NRXN1: variants seen among roughly 807,000 people sequenced by gnomAD.
NRXN1 encodes the protein neurexin-1.
NRXN1 carries 39 observed loss-of-function variants against 150.9 expected under a neutral mutation model. The observed-to-expected ratio is 0.26, with a 90% CI of 0.20 to 0.34. NRXN1 has a LOEUF of 0.34. Ranked by LOEUF, NRXN1 falls within the 10% of genes least tolerant of loss-of-function variation. The probability of loss-of-function intolerance (pLI) is 1.00; values close to 1 mark genes in which losing one functional copy is unlikely to be tolerated. For synonymous variants in NRXN1, 924 were observed against 757.0 expected, an observed-to-expected ratio of 1.22 and a Z score of -3.62; for missense variants, 1,815 against 1,949.9, an observed-to-expected ratio of 0.93 and a Z score of 1.30.
rs1668361827 is a variant in NRXN1, at chr2:51,014,418, T to A, written c.772+13084A>T. On this transcript the variant is annotated intron_variant, in intron 2 of 22. Coordinates refer to ENST00000401669, the MANE Select transcript of NRXN1 (RefSeq NM_001330078.2). ...TATTTCCACTGAAGACATAAAAAAATTAATTTATGTCAGCAGAGAAAGGAT... is the reference window on the plus strand; with the variant it reads ...TATTTCCACTGAAGACATAAAAAAAATAATTTATGTCAGCAGAGAAAGGAT... Among the ~76,000 whole-genome samples, 3 of 151,982 alleles carry A rather than the reference T, an allele frequency of 2.0e-5. No individual in the cohort carries two copies. The South Asian group carries it at 6.2e-4, about 31-fold the overall frequency.
chr2:50,169,833 C>CA (rs2059921171), intron 18 of NRXN1, among the ~76,000 whole-genome samples: 1 of 149,700 alleles, frequency 6.7e-6, no homozygotes, highest in South Asian at 2.1e-4. Context: ...CAAAGCAAAA[C>CA]AAAAAAACAA....
rs952888680 is a variant in NRXN1 at position 50,591,324 on chromosome 2, C to A, written c.1320+28698G>T. Among the ~76,000 whole-genome samples, 5 of 151,860 alleles carry A rather than the reference C, an allele frequency of 3.3e-5. No individual in the cohort carries two copies. In the East Asian group the frequency reaches 9.7e-4, roughly 29 times the overall value. On this transcript the variant is annotated intron_variant, in intron 8 of 22. Transcript: ENST00000401669. ...AGCTATTAGTATAAAGACTCTGAAG[C>A]TGACTGCCTCTTCATAATTAGGACA...
chr2:50,480,952 C>G (rs903272729), intron 15 of NRXN1, among the ~76,000 whole-genome samples: 1 of 152,162 alleles, frequency 6.6e-6, no homozygotes, highest in African/African-American at 2.4e-5. Flanking sequence ...ATAATAATAA[C>G]TGACATGAGT....
At chr2:50,566,422 T>TG (rs1249549929) in intron 8 of NRXN1, among the ~76,000 whole-genome samples, 4 of 150,722 alleles carry the variant, frequency 2.7e-5, no homozygotes, top group Non-Finnish European at 5.9e-5. Flanking sequence ...TTTTTTTTTT[T>TG]TTTTGTATTT....
intron 18 of NRXN1, among the ~76,000 whole-genome samples, chr2:50,227,769 G>A (rs2064541980): frequency 6.6e-6 from 1 of 151,906 alleles, no homozygotes; most frequent in Admixed American, 6.6e-5. Flanking sequence ...CAATAATAGT[G>A]GAATAAAAAG....
At chr2:49,941,500 G>C (rs372220139) in intron 22 of NRXN1, among the ~76,000 whole-genome samples, 2 of 151,862 alleles carry the variant, frequency 1.3e-5, no homozygotes, top group Non-Finnish European at 2.9e-5. Context: ...GCAATGGCTC[G>C]AAGAACTGGA....
At chr2:50,266,569 ACACAT>A (rs1269941076) in intron 17 of NRXN1, among the ~76,000 whole-genome samples, 21 of 52,550 alleles carry the variant, frequency 4.0e-4, no homozygotes, top group Non-Finnish European at 8.0e-4. Context: ...ACACACACAC[ACACAT>A]ATTTTCTTTC....
chr2:49,979,476 AAAG>A (rs1679599019), intron 21 of NRXN1, among the ~76,000 whole-genome samples: 1 of 152,174 alleles, frequency 6.6e-6, no homozygotes, highest in Non-Finnish European at 1.5e-5. Context: ...ATGAAATACA[AAAG>A]AAGAAGCCTT....
chr2:50,246,112 T>G (rs570680814), intron 17 of NRXN1, among the ~76,000 whole-genome samples: 2 of 152,154 alleles, frequency 1.3e-5, no homozygotes, highest in East Asian at 3.9e-4. Context: ...TTCTGACATT[T>G]TTAGAGTCTA....
intron 2 of NRXN1, among the ~76,000 whole-genome samples, chr2:51,015,365 C>G (rs1183821917): frequency 6.6e-6 from 1 of 152,054 alleles, no homozygotes; most frequent in Non-Finnish European, 1.5e-5. Context: ...GCAGAAGACA[C>G]TCAGAATTGT....
In NRXN1 at chr2:50,346,734, A is replaced by G. The variant is rs2078010493; in HGVS notation, c.3365-109764T>C. 6.2e-7 allele frequency: 1 copy of G among 1,613,882 alleles called. No homozygotes were observed. The highest frequency in any genetic ancestry group is 8.5e-7 in the Non-Finnish European group (1 of 1,179,918). ...ATGCCGGTGACCTGTAGATTGCAAT[A>G]GGCACTGAATGATGCTTGCTGCTGC... On this transcript the variant is annotated intron_variant, in intron 17 of 22. Coordinates refer to ENST00000401669, the MANE Select transcript of NRXN1 (RefSeq NM_001330078.2). The surrounding 1 kb of genome is among the most constrained non-coding windows in gnomAD (Gnocchi z 5.0).
At chr2:50,603,627 T>C (rs1676630031) in intron 8 of NRXN1, among the ~76,000 whole-genome samples, 1 of 152,174 alleles carries the variant, frequency 6.6e-6, no homozygotes, top group Non-Finnish European at 1.5e-5. Flanking sequence ...TGTGATATGC[T>C]GGGACCCCTT....
At chr2:50,395,295 C>A (rs1296693798) in intron 17 of NRXN1, among the ~76,000 whole-genome samples, 2 of 151,564 alleles carry the variant, frequency 1.3e-5, no homozygotes, top group East Asian at 2.0e-4. Flanking sequence ...GATCATAACA[C>A]TTGTCCTAAT....
chr2:49,984,729 A>G (rs1680611172), intron 21 of NRXN1, among the ~76,000 whole-genome samples: 2 of 151,788 alleles, frequency 1.3e-5, no homozygotes, highest in Admixed American at 6.6e-5. Context: ...ACACACACAC[A>G]CACACACACA....
At chr2:49,978,316 A>T (rs1446781979) in intron 21 of NRXN1, among the ~76,000 whole-genome samples, 1 of 152,172 alleles carries the variant, frequency 6.6e-6, no homozygotes, top group Non-Finnish European at 1.5e-5. Flanking sequence ...AACAAATCCT[A>T]TCTTGGACCA....
intron 5 of NRXN1, among the ~76,000 whole-genome samples, chr2:50,882,256 A>G (rs1679554311): frequency 6.6e-6 from 1 of 151,858 alleles, no homozygotes; most frequent in African/African-American, 2.4e-5. Context: ...TATCACTAAC[A>G]TCACACATGG....
chr2:50,539,147 A>C (rs901530239), intron 9 of NRXN1, among the ~76,000 whole-genome samples: 2 of 144,820 alleles, frequency 1.4e-5, no homozygotes, highest in African/African-American at 5.3e-5. Context: ...AGCTGTATAA[A>C]CCTATTGATT....
chr2:50,872,280 G>A (rs1415732247), intron 5 of NRXN1, among the ~76,000 whole-genome samples: 1 of 151,876 alleles, frequency 6.6e-6, no homozygotes, highest in Non-Finnish European at 1.5e-5. Flanking sequence ...AATGTAATGT[G>A]TAATAATGGT....
intron 5 of NRXN1, among the ~76,000 whole-genome samples, chr2:50,858,864 G>C (rs1675663324): frequency 6.6e-6 from 1 of 151,986 alleles, no homozygotes; most frequent in Non-Finnish European, 1.5e-5. Context: ...TTGCCTAGGG[G>C]CCCAGAAAGT....
Sources: allele counts gnomAD v4.1 joint callset (sites outside exome capture counted in the v4.1 genomes callset), GRCh38; gene constraint gnomAD v4.1.1; non-coding constraint Gnocchi (gnomAD v3.1); transcripts MANE v1.5; gene names NCBI Gene and HGNC (gene_info 2026-07-23, HGNC 2026-07-21).